The following ESF1 variants were observed in gnomAD, a reference collection of about 807,000 sequenced individuals.
ESF1 encodes the protein ESF1 nucleolar pre-rRNA processing protein.
In ESF1, 58 loss-of-function variants were observed where a neutral mutation model predicts 92.0. The ratio of observed to expected loss-of-function variants is 0.63; its 90% CI spans 0.51 to 0.78. The LOEUF (loss-of-function observed/expected upper bound fraction) is 0.78. Ranked by LOEUF, ESF1 falls within the 30% of genes least tolerant of loss-of-function variation. The pLI is 0.00. For missense variants in ESF1, 922 were observed against 989.1 expected, an observed-to-expected ratio of 0.93 and a Z score of 0.91; for synonymous variants, 321 against 313.7, an observed-to-expected ratio of 1.02 and a Z score of -0.24.
Position 13,718,961 on chromosome 20 carries a change from A to T in ESF1, c.2062T>A (p.Ser688Thr). 1 of 1,604,468 alleles carries T rather than the reference A, an allele frequency of 6.2e-7. No individual in the cohort carries two copies. Among genetic ancestry groups the T allele is most frequent in the Non-Finnish European group, 8.5e-7 (1 of 1,177,304 alleles). ...TCTGGAGATGTGCCATCTTTTGCAGATTTTACCGATTTTTTATTTATACCT... is the reference window on the plus strand; with the variant it reads ...TCTGGAGATGTGCCATCTTTTGCAGTTTTTACCGATTTTTTATTTATACCT... ...QIGINKKSVK[S>T]AKDGTSPEEE... Residue 688 changes from serine to threonine, a missense_variant, in exon 12 of 14, where the codon TCT (serine) becomes ACT (threonine). Coordinates refer to ENST00000617257, the MANE Select transcript of ESF1 (RefSeq NM_001276380.2).
chr20:13,734,462 A>G (rs537104413), intron 9 of ESF1, among the ~76,000 whole-genome samples: 1 of 152,182 alleles, frequency 6.6e-6, no homozygotes, highest in Non-Finnish European at 1.5e-5. Context: ...ATTTCATCAT[A>G]TGGTTTAGCT....
At chr20:13,761,832 C>T (rs1342913505) in intron 8 of ESF1, among the ~76,000 whole-genome samples, 4 of 152,200 alleles carry the variant, frequency 2.6e-5, no homozygotes, top group African/African-American at 9.6e-5. Flanking sequence ...TACATTTCCA[C>T]TGCAAGTCTC....
intron 9 of ESF1, among the ~76,000 whole-genome samples, chr20:13,755,352 T>C (rs1413649640): frequency 6.6e-6 from 1 of 152,230 alleles, no homozygotes; most frequent in Non-Finnish European, 1.5e-5. Flanking sequence ...GAATTTCATA[T>C]ATATTGTTTA....
At chr20:13,783,959 A>G (rs1980447448) in intron 1 of ESF1, among the ~76,000 whole-genome samples, 1 of 152,242 alleles carries the variant, frequency 6.6e-6, no homozygotes. Context: ...TTCTAACTAA[A>G]CAGACCAAAA....
At chr20:13,753,531 G>A (rs929291776) in intron 9 of ESF1, among the ~76,000 whole-genome samples, 3 of 151,320 alleles carry the variant, frequency 2.0e-5, no homozygotes, top group Non-Finnish European at 4.4e-5. Context: ...GACCACAGAT[G>A]CTCTTCTCAT....
intron 9 of ESF1, among the ~76,000 whole-genome samples, chr20:13,755,251 T>A (rs528067197): frequency 6.6e-6 from 1 of 151,730 alleles, no homozygotes; most frequent in South Asian, 2.1e-4. Context: ...CTAATATCTA[T>A]TAGGCCAGAG....
intron 9 of ESF1, among the ~76,000 whole-genome samples, chr20:13,748,072 T>A (rs1001458838): frequency 1.2e-4 from 18 of 152,220 alleles, no homozygotes; most frequent in African/African-American, 4.3e-4. Context: ...ATAACTCTTA[T>A]GGGACCACTG....
chr20:13,758,567 CAT>C (rs757636719), intron 9 of ESF1, among the ~76,000 whole-genome samples: 2 of 152,262 alleles, frequency 1.3e-5, no homozygotes, highest in African/African-American at 2.4e-5. Context: ...CCCACGCAAA[CAT>C]ATGTTTTATT....
chr20:13,761,640 G>T (rs1038105184), intron 8 of ESF1, among the ~76,000 whole-genome samples: 3 of 152,024 alleles, frequency 2.0e-5, no homozygotes, highest in Non-Finnish European at 4.4e-5. Flanking sequence ...TTACTCCAAC[G>T]ATCTCATTAA....
intron 13 of ESF1, among the ~76,000 whole-genome samples, chr20:13,716,885 T>A (rs112225594): frequency 0.11 from 15,076 of 141,744 alleles, 855 homozygotes; most frequent in Non-Finnish European, 0.13. Context: ...TGGCGAGATC[T>A]CGGCTCACTG....
intron 2 of ESF1, among the ~76,000 whole-genome samples, chr20:13,779,949 T>C (rs749616867): frequency 3.9e-5 from 6 of 152,248 alleles, no homozygotes; most frequent in Non-Finnish European, 8.8e-5. Context: ...CATTTCATGA[T>C]GACAAATATC....
At chr20:13,728,834 T>G (rs1388274108) in intron 10 of ESF1, among the ~76,000 whole-genome samples, 2 of 151,086 alleles carry the variant, frequency 1.3e-5, no homozygotes, top group East Asian at 3.9e-4. Flanking sequence ...GCCACTGCAC[T>G]CCAGCCTGAG....
At chr20:13,727,932 TATC>T (rs1187781328) in intron 11 of ESF1, among the ~76,000 whole-genome samples, 3 of 152,224 alleles carry the variant, frequency 2.0e-5, no homozygotes, top group Non-Finnish European at 2.9e-5. Context: ...ATTATACACA[TATC>T]AACATGCACA....
intron 8 of ESF1, among the ~76,000 whole-genome samples, chr20:13,760,800 T>A (rs1979154882): frequency 6.7e-6 from 1 of 148,486 alleles, no homozygotes; most frequent in Non-Finnish European, 1.5e-5. Context: ...GTCTGGGAGG[T>A]GAGGGGTGCC....
chr20:13,733,921 A>T, intron 9 of ESF1, 79 bp from the exon 10 acceptor site: 2 of 1,445,382 alleles, frequency 1.4e-6, no homozygotes, highest in South Asian at 1.5e-5. Flanking sequence ...TATAAAGACA[A>T]ATATAATTTA....
chr20:13,735,189 C>T (rs911100655), intron 9 of ESF1, among the ~76,000 whole-genome samples: 1 of 152,032 alleles, frequency 6.6e-6, no homozygotes, highest in South Asian at 2.1e-4. Context: ...TGCTTTTGGG[C>T]CTTGAGCTTC....
chr20:13,720,019 C>G (rs1048705294), intron 11 of ESF1, among the ~76,000 whole-genome samples: 2 of 152,094 alleles, frequency 1.3e-5, no homozygotes, highest in African/African-American at 4.8e-5. Context: ...TCTCTAAATG[C>G]TTATAACTTT....
chr20:13,748,362 A>G (rs1165352535), intron 9 of ESF1, among the ~76,000 whole-genome samples: 1 of 151,002 alleles, frequency 6.6e-6, no homozygotes, highest in Non-Finnish European at 1.5e-5. Flanking sequence ...CAGCACAAGC[A>G]TCCAATAAGT....
chr20:13,722,249 A>G (rs1314872247), intron 11 of ESF1, among the ~76,000 whole-genome samples: 1 of 152,184 alleles, frequency 6.6e-6, no homozygotes, highest in Non-Finnish European at 1.5e-5. Flanking sequence ...AGAAAGAAAA[A>G]AAAATCCCCA....
Sources: gnomAD v4.1 joint callset for allele counts (sites outside exome capture counted in the v4.1 genomes callset) on GRCh38, gnomAD v4.1.1 for gene constraint, MANE v1.5 for transcripts, NCBI Gene and HGNC (gene_info 2026-07-23, HGNC 2026-07-21) for gene names.